Variants in VTI1A observed in about 807,000 individuals in gnomAD.
VTI1A encodes vesicle transport through interaction with t-SNAREs homolog 1A.
Under a neutral mutation model 34.9 loss-of-function variants are expected in VTI1A, and 22 were observed. That is an observed-to-expected ratio of 0.63 (90% CI 0.45 to 0.90). VTI1A has a LOEUF of 0.90. VTI1A is among the 40% of genes least tolerant of loss of function. The pLI is 0.00. For synonymous variants in VTI1A, 87 were observed against 97.3 expected (o/e 0.89, Z 0.62); for missense variants, 268 against 275.6 (o/e 0.97, Z 0.20).
chr10:112,631,549 G>A (rs1185201562), intron 5 of VTI1A, among the ~76,000 whole-genome samples: 1 of 152,128 alleles, frequency 6.6e-6, no homozygotes, highest in African/African-American at 2.4e-5. Context: ...TGTTCACTCA[G>A]CATAATGTTT....
rs137861169 is a variant in VTI1A, at chr10:112,582,089, C to T, written c.427+43759C>T. ...CTTAAACAACAGAAATTTATTTCTC[C>T]AGTTCTAGAGGCTGGAAGTCTGAGA... On this transcript the variant is annotated intron_variant, in intron 5 of 7. Transcript: ENST00000393077. 1.6e-4 allele frequency among the ~76,000 whole-genome samples: 24 copies of T among 152,210 alleles called. No individual in the cohort carries two copies. The East Asian group carries it at 4.5e-3, about 28-fold the overall frequency.
At chr10:112,460,489 C>A in intron 1 of VTI1A, 35 bp from the exon 2 acceptor site, 1 of 1,563,026 alleles carries the variant, frequency 6.4e-7, no homozygotes, top group Non-Finnish European at 8.6e-7. Flanking sequence ...TTATTTGTAT[C>A]TTTAGCAATT....
chr10:112,680,470 C>G (rs952402307), intron 7 of VTI1A, among the ~76,000 whole-genome samples: 2 of 152,148 alleles, frequency 1.3e-5, no homozygotes, highest in African/African-American at 2.4e-5. Context: ...AAATCATGTT[C>G]TTAGCAGCAT....
intron 7 of VTI1A, among the ~76,000 whole-genome samples, chr10:112,799,127 T>C (rs1362120100): frequency 6.6e-6 from 1 of 152,132 alleles, no homozygotes; most frequent in Non-Finnish European, 1.5e-5. Flanking sequence ...ACCCTAGTTA[T>C]TGATGCTGCC....
chr10:112,731,184 A>G (rs995333597), intron 7 of VTI1A, among the ~76,000 whole-genome samples: 3 of 152,136 alleles, frequency 2.0e-5, no homozygotes, highest in Non-Finnish European at 4.4e-5. Context: ...AATCTGGGAG[A>G]TAACATGAAG....
chr10:112,762,626 G>A (rs1319681006), intron 7 of VTI1A, among the ~76,000 whole-genome samples: 1 of 152,166 alleles, frequency 6.6e-6, no homozygotes, highest in Non-Finnish European at 1.5e-5. Flanking sequence ...ATTTAAAAAG[G>A]ACTACAGGTC....
chr10:112,619,315 A>C (rs1325047620), intron 5 of VTI1A, among the ~76,000 whole-genome samples: 2 of 152,172 alleles, frequency 1.3e-5, no homozygotes, highest in Non-Finnish European at 2.9e-5. Context: ...TAATGAAGAC[A>C]GTTCCTCTAA....
At chr10:112,786,367 T>C (rs992880145) in intron 7 of VTI1A, among the ~76,000 whole-genome samples, 1 of 152,212 alleles carries the variant, frequency 6.6e-6, no homozygotes, top group Non-Finnish European at 1.5e-5. Context: ...ACATACAGAA[T>C]CACGTCAGTT....
At chr10:112,621,265 C>G (rs914848711) in intron 5 of VTI1A, among the ~76,000 whole-genome samples, 1 of 152,274 alleles carries the variant, frequency 6.6e-6, no homozygotes, top group South Asian at 2.1e-4. Flanking sequence ...GCACTCCTGT[C>G]TTGTAGAGAT....
intron 5 of VTI1A, among the ~76,000 whole-genome samples, chr10:112,615,087 A>G (rs1178375594): frequency 6.6e-6 from 1 of 152,224 alleles, no homozygotes; most frequent in Admixed American, 6.5e-5. Context: ...CTAAAAATCC[A>G]TAAGTATCTA....
At chr10:112,499,187 G>A (rs1849134890) in intron 3 of VTI1A, among the ~76,000 whole-genome samples, 1 of 152,106 alleles carries the variant, frequency 6.6e-6, no homozygotes, top group South Asian at 2.1e-4. Context: ...TACTATGATA[G>A]ATATCATACC....
the VTI1A span, among the ~76,000 whole-genome samples, chr10:112,833,114 T>C: frequency 1.3e-5 from 2 of 152,176 alleles, no homozygotes; most frequent in Non-Finnish European, 2.9e-5. Context: ...AGGACAGGCA[T>C]GTGGCAAGAG....
intron 3 of VTI1A, chr10:112,485,269 C>T (rs777362662): frequency 3.3e-5 from 5 of 149,318 alleles, no homozygotes; most frequent in Non-Finnish European, 4.4e-5. Context: ...GCGACAAGAG[C>T]GAAACTCTGT....
intron 5 of VTI1A, among the ~76,000 whole-genome samples, chr10:112,559,624 G>A (rs533533397): frequency 3.9e-5 from 6 of 152,148 alleles, no homozygotes; most frequent in South Asian, 4.2e-4. Context: ...GCACAGCCAC[G>A]TTTCCACAGT....
intron 7 of VTI1A, among the ~76,000 whole-genome samples, chr10:112,702,453 T>C (rs1564890599): frequency 6.6e-6 from 1 of 152,226 alleles, no homozygotes; most frequent in Non-Finnish European, 1.5e-5. Context: ...AGAGTCTTGC[T>C]CTGCTGCCCA....
the VTI1A span, among the ~76,000 whole-genome samples, chr10:112,851,662 C>A: frequency 2.6e-5 from 4 of 152,124 alleles, no homozygotes; most frequent in African/African-American, 9.7e-5. Context: ...GGGATGTGAG[C>A]GCAGGAATTG....
chr10:112,682,770 C>A (rs1017275112), intron 7 of VTI1A, among the ~76,000 whole-genome samples: 3 of 152,212 alleles, frequency 2.0e-5, no homozygotes, highest in Non-Finnish European at 2.9e-5. Flanking sequence ...CCCAAGCTAT[C>A]ATGGCCATCA....
At chr10:112,484,037 G>T (rs1848536480) in intron 3 of VTI1A, among the ~76,000 whole-genome samples, 1 of 152,200 alleles carries the variant, frequency 6.6e-6, no homozygotes, top group Non-Finnish European at 1.5e-5. Context: ...CTCATCTAAT[G>T]TGTAGAGTTT....
At chr10:112,465,240 C>G (rs1041541532) in intron 3 of VTI1A, among the ~76,000 whole-genome samples, 1 of 150,516 alleles carries the variant, frequency 6.6e-6, no homozygotes, top group Non-Finnish European at 1.5e-5. Flanking sequence ...GGCTTTCAAC[C>G]GTATCTGCTT....
Sources: gnomAD v4.1 joint callset for allele counts (sites outside exome capture counted in the v4.1 genomes callset) on GRCh38, gnomAD v4.1.1 for gene constraint, MANE v1.5 for transcripts, NCBI Gene and HGNC (gene_info 2026-07-23, HGNC 2026-07-21) for gene names.